The following RPS27 variants were observed in gnomAD, a reference collection of about 807,000 sequenced individuals.
RPS27 encodes the protein ribosomal protein S27, also known as small ribosomal subunit protein eS27.
A neutral mutation model predicts 11.8 loss-of-function variants in RPS27; 1 was observed. The observed-to-expected ratio is 0.08, with a 90% CI of 0.03 to 0.40. RPS27 has a LOEUF of 0.40. Ranked by LOEUF, RPS27 falls within the 10% of genes least tolerant of loss-of-function variation. RPS27 has a pLI of 0.98. For synonymous variants in RPS27, 42 were observed against 33.8 expected (o/e 1.24, Z -0.84); for missense variants, 44 against 100.1 (o/e 0.44, Z 2.39).
chr1:153,991,932 TGC>T, intron 3 of RPS27, 131 bp from the exon 4 acceptor site: 1 of 847,090 alleles, frequency 1.2e-6, no homozygotes. Context: ...GTGATACAAA[TGC>T]GCAGGTAGCT....
At chr1:153,991,717 T>G in intron 3 of RPS27, 41 bp downstream of exon 3, 2 of 1,275,076 alleles carry the variant, frequency 1.6e-6, no homozygotes, top group South Asian at 2.5e-5. Context: ...TTGAGTTTGA[T>G]TTTTAGAAAT....
rs71626798 is a variant in RPS27, at chr1:153,990,788, C to T, written c.-9C>T. On this transcript the variant is annotated 5_prime_UTR_variant, in exon 1 of 4. Transcript: ENST00000651669. Reference sequence around the variant, plus strand: ...CTTTCCGGCGGTGACGACCTACGCACACGAGAACATGCCTGTGAGTGCTTT... The same window carrying T: ...CTTTCCGGCGGTGACGACCTACGCATACGAGAACATGCCTGTGAGTGCTTT... The T allele has an allele frequency of 1.5e-5, 25 of 1,614,126 alleles. No individual in the cohort carries two copies. The highest frequency in any genetic ancestry group is 5.3e-5 in the African/African-American group (4 of 74,948).
rs567792813 is a variant in RPS27 at position 153,991,689 on chromosome 1, C to T, written c.226+13C>T. ...AGGCTTACAGAAGGTAAATGGTTTA[C>T]TAATGTGATTTGGGGCTTTGAGTTT... On this transcript the variant is annotated intron_variant, in intron 3 of 3. Transcript: ENST00000651669. 2.0e-6 allele frequency: 3 copies of T among 1,520,704 alleles called. No individual in the cohort carries two copies. The highest frequency in any genetic ancestry group is 2.7e-5 in the African/African-American group (2 of 72,902). The allele number at this position is 1,520,704 out of a possible 1,614,324, so 94.2% of individuals were successfully genotyped here. A position where few individuals can be genotyped will look rare whatever the true frequency, so the allele number is the denominator to read the frequency against.
Position 153,990,777 on chromosome 1 carries a change from C to T in RPS27, c.-20C>T. 1.9e-6 allele frequency: 3 copies of T among 1,614,176 alleles called. No individual in the cohort carries two copies. Among genetic ancestry groups the T allele is most frequent in the Non-Finnish European group, 1.7e-6 (2 of 1,180,026 alleles). On this transcript the variant is annotated 5_prime_UTR_variant, in exon 1 of 4. It adds an upstream start codon to the 5' untranslated region. Transcript: ENST00000651669. ...CGCTTTCGCTCCTTTCCGGCGGTGA[C>T]GACCTACGCACACGAGAACATGCCT...
chr1:153,991,459 C>T (rs1649399610), intron 2 of RPS27, 107 bp from the exon 3 acceptor site: 1 of 1,368,142 alleles, frequency 7.3e-7, no homozygotes, highest in Non-Finnish European at 1.0e-6. Context: ...CATACAACCC[C>T]TACGTTTTTT....
At chr1:153,991,728 G>GTTTCCATTTCT in intron 3 of RPS27, 52 bp downstream of exon 3, 1 of 1,205,992 alleles carries the variant, frequency 8.3e-7, no homozygotes, top group Non-Finnish European at 1.2e-6. Flanking sequence ...TTTTAGAAAT[G>GTTTCCATTTCT]GAAACATTTC....
chr1:153,990,835 C>T (rs1319305625), intron 1 of RPS27, 33 bp downstream of exon 1: 3 of 1,614,106 alleles, frequency 1.9e-6, no homozygotes, highest in South Asian at 2.2e-5. Flanking sequence ...CGGCGGAGAT[C>T]TCGCTGTTCT....
In RPS27 at chr1:153,990,778, G is replaced by C; in HGVS notation, c.-19G>C. On this transcript the variant is annotated 5_prime_UTR_variant, in exon 1 of 4. Coordinates refer to ENST00000651669, the MANE Select transcript of RPS27 (RefSeq NM_001030.6). Reference sequence around the variant, plus strand: ...GCTTTCGCTCCTTTCCGGCGGTGACGACCTACGCACACGAGAACATGCCTG... The same window carrying C: ...GCTTTCGCTCCTTTCCGGCGGTGACCACCTACGCACACGAGAACATGCCTG... 1.2e-6 allele frequency: 2 copies of C among 1,614,146 alleles called. No homozygotes were observed. Among genetic ancestry groups the C allele is most frequent in the South Asian group, 2.2e-5 (2 of 91,070 alleles).
intron 2 of RPS27, 114 bp downstream of exon 2, chr1:153,991,337 C>T (rs755426232): frequency 2.0e-6 from 3 of 1,518,648 alleles, no homozygotes; most frequent in Non-Finnish European, 2.6e-6. Context: ...AGTTTCTTCG[C>T]CTGTGGAAAA....
At chr1:153,991,540 A>G (rs147042648) in intron 2 of RPS27, 26 bp from the exon 3 acceptor site, 6 of 1,575,126 alleles carry the variant, frequency 3.8e-6, no homozygotes. Flanking sequence ...AATAGAGGAA[A>G]AAAATGTTAT....
chr1:153,991,281 T>C, intron 2 of RPS27, 58 bp downstream of exon 2: 1 of 1,560,984 alleles, frequency 6.4e-7, no homozygotes. Context: ...TTGGAAAATG[T>C]TGTAGTGTTA....
chr1:153,991,442 C>T, intron 2 of RPS27, 124 bp from the exon 3 acceptor site: 2 of 1,365,276 alleles, frequency 1.5e-6, no homozygotes, highest in South Asian at 1.3e-5. Flanking sequence ...TCTCTCATCA[C>T]ATTTCACATA....
intron 1 of RPS27, 83 bp from the exon 2 acceptor site, chr1:153,991,032 C>G (rs1006826721): frequency 4.9e-6 from 6 of 1,233,746 alleles, no homozygotes; most frequent in Admixed American, 2.3e-5. Flanking sequence ...CGAGCTCTCC[C>G]CGGTGTGTGA....
intron 1 of RPS27, 144 bp from the exon 2 acceptor site, chr1:153,990,971 G>A (rs1424563071): frequency 1.7e-6 from 2 of 1,203,546 alleles, no homozygotes; most frequent in Non-Finnish European, 2.4e-6. Flanking sequence ...CGGGAGCGGA[G>A]AGGAGATAAG....
intron 2 of RPS27, 112 bp downstream of exon 2, chr1:153,991,335 C>T (rs765847483): frequency 6.6e-6 from 10 of 1,519,684 alleles, no homozygotes; most frequent in African/African-American, 4.2e-5. Context: ...TCAGTTTCTT[C>T]GCCTGTGGAA....
Position 153,991,314 on chromosome 1 carries a change from G to GC in RPS27, c.115+91_115+92insC, listed in dbSNP as rs1649386643. ...TTAGCTGTCTCGTATCCTTGAAGCT[G>GC]TGCAGCAGCTTCAGTTTCTTCGCCT... On this transcript the variant is annotated intron_variant, in intron 2 of 3. Coordinates refer to ENST00000651669, the MANE Select transcript of RPS27 (RefSeq NM_001030.6). 6 of 1,536,182 alleles carry GC rather than the reference G, an allele frequency of 3.9e-6. No homozygotes were observed. The Admixed American group carries it at 1.3e-4, about 34-fold the overall frequency.
intron 1 of RPS27, 112 bp from the exon 2 acceptor site, chr1:153,991,003 C>A: frequency 1.7e-6 from 2 of 1,163,930 alleles, no homozygotes; most frequent in Non-Finnish European, 2.5e-6. Flanking sequence ...GCTGCGCAGA[C>A]ACCAGGGGCG....
At chr1:153,991,325 T>C in intron 2 of RPS27, 102 bp downstream of exon 2, 1 of 1,528,660 alleles carries the variant, frequency 6.5e-7, no homozygotes, top group Non-Finnish European at 8.8e-7. Context: ...TGCAGCAGCT[T>C]CAGTTTCTTC....
In RPS27 at chr1:153,991,563, C is replaced by T. The variant is rs764487569; in HGVS notation, c.116-3C>T. 2.5e-6 allele frequency: 4 copies of T among 1,607,806 alleles called. No individual in the cohort carries two copies. The East Asian group carries it at 8.9e-5, about 36-fold the overall frequency. On this transcript the variant is annotated splice_polypyrimidine_tract_variant and splice_region_variant and intron_variant, in intron 2 of 3. Transcript: ENST00000651669. ...AAAAAAATGTTATCTGCTTTTCTTT[C>T]AGGATGCTATAAAATCACCACGGTC...
Sources: allele counts gnomAD v4.1 joint callset, GRCh38; gene constraint gnomAD v4.1.1; transcripts MANE v1.5; gene names NCBI Gene and HGNC (gene_info 2026-07-23, HGNC 2026-07-21).